DTWD2: variants seen among roughly 807,000 people sequenced by gnomAD.
DTWD2 encodes the protein DTW motif tRNA-uridine aminocarboxypropyltransferase 2.
In DTWD2, 39 loss-of-function variants were observed where a neutral mutation model predicts 31.8. The observed-to-expected ratio is 1.22, with a 90% CI of 0.95 to 1.60. The LOEUF is 1.60. Ranked by LOEUF, DTWD2 falls within the 40% of genes most tolerant of loss-of-function variation. DTWD2 has a pLI of 0.00. For synonymous variants in DTWD2, 180 were observed against 142.8 expected, an observed-to-expected ratio of 1.26 and a Z score of -1.86; for missense variants, 515 against 381.5, an observed-to-expected ratio of 1.35 and a Z score of -2.92.
At position 118,841,007 on chromosome 5, in the gene DTWD2, A is replaced by C; in HGVS notation, c.807T>G (p.Leu269=). ...GAQIRLSKEH[L]LKNGLYPKPM... ...GTTTAGGATATAATCCATTTTTCAG[A>C]AGGTGTTCCTTGCTGAGGCGAATTT... The change falls in exon 6 of 6, where the codon CTT becomes CTG. Residue 269 remains leucine (L), a synonymous_variant. Transcript: ENST00000510708. The C allele has an allele frequency of 6.2e-7, 1 of 1,613,800 alleles. No homozygotes were observed.
chr5:118,905,299 T>G (rs1255292768), intron 4 of DTWD2, among the ~76,000 whole-genome samples: 1 of 152,100 alleles, frequency 6.6e-6, no homozygotes, highest in African/African-American at 2.4e-5. Flanking sequence ...GCCCTCCTAA[T>G]TAGCAACTGG....
At chr5:118,866,778 G>A (rs556700572) in intron 4 of DTWD2, among the ~76,000 whole-genome samples, 4 of 151,968 alleles carry the variant, frequency 2.6e-5, no homozygotes, top group South Asian at 2.1e-4. Flanking sequence ...TTAGCCAGGC[G>A]TGATGGCACG....
chr5:118,988,220 C>T, intron 1 of DTWD2, 74 bp downstream of exon 1: 1 of 1,523,260 alleles, frequency 6.6e-7, no homozygotes, highest in Non-Finnish European at 8.8e-7. Flanking sequence ...CCGCCGACTC[C>T]CCGGCAGGGG....
At chr5:118,844,201 A>C (rs1751792471) in intron 5 of DTWD2, among the ~76,000 whole-genome samples, 1 of 152,204 alleles carries the variant, frequency 6.6e-6, no homozygotes, top group Admixed American at 6.5e-5. Context: ...TTTTTGCTGC[A>C]TGTGAAAAGT....
At chr5:118,928,365 T>C (rs1753851588) in intron 4 of DTWD2, among the ~76,000 whole-genome samples, 172 bp downstream of exon 4, 1 of 151,966 alleles carries the variant, frequency 6.6e-6, no homozygotes. Context: ...AAAATACATA[T>C]ATATTCAAAC....
At chr5:118,963,703 G>A (rs555946987) in intron 1 of DTWD2, among the ~76,000 whole-genome samples, 87 of 152,312 alleles carry the variant, frequency 5.7e-4, no homozygotes, top group Non-Finnish European at 1.1e-3. Context: ...ATGGCACAGA[G>A]AGAAGCCAGG....
intron 4 of DTWD2, among the ~76,000 whole-genome samples, chr5:118,857,535 C>T (rs906082380): frequency 6.6e-5 from 10 of 151,970 alleles, no homozygotes; most frequent in East Asian, 1.9e-4. Flanking sequence ...ATTAATTTTT[C>T]GGAGTCTTTA....
intron 4 of DTWD2, among the ~76,000 whole-genome samples, chr5:118,863,469 G>C (rs982499228): frequency 6.6e-6 from 1 of 152,152 alleles, no homozygotes; most frequent in African/African-American, 2.4e-5. Flanking sequence ...ACATTTCAAA[G>C]CACTTCCATT....
chr5:118,908,405 C>A (rs1753381378), intron 4 of DTWD2, among the ~76,000 whole-genome samples: 1 of 152,102 alleles, frequency 6.6e-6, no homozygotes, highest in Admixed American at 6.5e-5. Context: ...AACAAAAAAC[C>A]CAAGCTTCAT....
chr5:118,955,529 A>C (rs1754566150), intron 1 of DTWD2, among the ~76,000 whole-genome samples: 1 of 152,222 alleles, frequency 6.6e-6, no homozygotes, highest in Non-Finnish European at 1.5e-5. Flanking sequence ...TTTTTATTCA[A>C]ATATTTACTG....
At chr5:118,935,681 CAA>C (rs1482430308) in intron 3 of DTWD2, among the ~76,000 whole-genome samples, 3 of 152,216 alleles carry the variant, frequency 2.0e-5, no homozygotes, top group African/African-American at 7.2e-5. Context: ...ACTAGTGCAT[CAA>C]GTTAACATAA....
intron 1 of DTWD2, among the ~76,000 whole-genome samples, chr5:118,952,491 G>A (rs1052362306): frequency 2.0e-5 from 3 of 152,102 alleles, no homozygotes; most frequent in Admixed American, 1.3e-4. Context: ...GTCATGAGGT[G>A]CTCAGTGGGG....
intron 1 of DTWD2, among the ~76,000 whole-genome samples, chr5:118,971,019 T>C (rs561740035): frequency 2.6e-4 from 40 of 152,296 alleles, no homozygotes; most frequent in African/African-American, 8.9e-4. Flanking sequence ...TCATTACCAG[T>C]CACTACATAA....
chr5:118,955,116 A>C (rs531134822), intron 1 of DTWD2, among the ~76,000 whole-genome samples: 1 of 152,246 alleles, frequency 6.6e-6, no homozygotes, highest in South Asian at 2.1e-4. Flanking sequence ...TGTAAACACT[A>C]TAAGCGTGAT....
At chr5:118,934,218 T>A (rs1423105794) in intron 3 of DTWD2, among the ~76,000 whole-genome samples, 1 of 143,334 alleles carries the variant, frequency 7.0e-6, no homozygotes, top group Admixed American at 7.2e-5. Flanking sequence ...GTGGATCCCT[T>A]TAGCCTAGGA....
chr5:118,919,744 T>A (rs999856636), intron 4 of DTWD2, among the ~76,000 whole-genome samples: 1 of 152,236 alleles, frequency 6.6e-6, no homozygotes, highest in Non-Finnish European at 1.5e-5. Flanking sequence ...ATGATGTTTA[T>A]CATTCCTGTT....
intron 4 of DTWD2, among the ~76,000 whole-genome samples, chr5:118,891,687 G>C (rs1296921947): frequency 6.6e-6 from 1 of 152,168 alleles, no homozygotes; most frequent in Non-Finnish European, 1.5e-5. Flanking sequence ...GATGCTTTCA[G>C]ATATGAATGC....
chr5:118,933,295 A>G (rs1291432751), intron 3 of DTWD2, among the ~76,000 whole-genome samples: 1 of 152,200 alleles, frequency 6.6e-6, no homozygotes, highest in Admixed American at 6.5e-5. Flanking sequence ...AACAGACAGA[A>G]CATTGCCTAA....
chr5:118,878,557 C>T (rs543184512), intron 4 of DTWD2, among the ~76,000 whole-genome samples: 10 of 152,020 alleles, frequency 6.6e-5, no homozygotes, highest in African/African-American at 2.2e-4. Context: ...CTATAAAAAC[C>T]CTGAAAGACA....
Sources: gnomAD v4.1 joint callset for allele counts (sites outside exome capture counted in the v4.1 genomes callset) on GRCh38, gnomAD v4.1.1 for gene constraint, MANE v1.5 for transcripts, NCBI Gene and HGNC (gene_info 2026-07-23, HGNC 2026-07-21) for gene names.